DDX10: variants seen among roughly 807,000 people sequenced by gnomAD.
The protein encoded by DDX10 is DEAD-box helicase 10.
DDX10 carries 74 observed loss-of-function variants against 104.3 expected under a neutral mutation model. That is an observed-to-expected ratio of 0.71 (90% CI 0.59 to 0.86). The LOEUF (loss-of-function observed/expected upper bound fraction) is 0.86. Ranked by LOEUF, DDX10 falls within the 40% of genes least tolerant of loss-of-function variation. The pLI, the probability that DDX10 is intolerant of heterozygous loss-of-function variation, is 0.00. For missense variants in DDX10, 952 were observed against 1,040.0 expected (o/e 0.92, Z 1.16); for synonymous variants, 351 against 353.4 (o/e 0.99, Z 0.08).
intron 13 of DDX10, among the ~76,000 whole-genome samples, chr11:108,761,949 A>C (rs922570361): frequency 6.6e-6 from 1 of 152,178 alleles, no homozygotes; most frequent in Non-Finnish European, 1.5e-5. Flanking sequence ...CACTAATATA[A>C]ATATGAAAAA....
intron 13 of DDX10, among the ~76,000 whole-genome samples, chr11:108,724,185 T>A (rs556704627): frequency 1.3e-5 from 2 of 152,186 alleles, no homozygotes; most frequent in Admixed American, 1.3e-4. Flanking sequence ...TCTTACTCTT[T>A]ATACAATGTT....
At chr11:108,680,927 G>T (rs2094234058) in intron 6 of DDX10, among the ~76,000 whole-genome samples, 1 of 152,184 alleles carries the variant, frequency 6.6e-6, no homozygotes. Flanking sequence ...GAATGGAATA[G>T]TAAGATATGT....
At chr11:108,754,833 C>T (rs549809761) in intron 13 of DDX10, among the ~76,000 whole-genome samples, 2 of 152,078 alleles carry the variant, frequency 1.3e-5, no homozygotes, top group African/African-American at 4.8e-5. Context: ...GGATGGGCAA[C>T]CAGGAGCATA....
intron 16 of DDX10, among the ~76,000 whole-genome samples, chr11:108,900,924 G>A (rs980494943): frequency 9.9e-5 from 15 of 152,030 alleles, no homozygotes; most frequent in East Asian, 1.9e-4. Flanking sequence ...CTTCGTTTAT[G>A]CTGTACCATC....
At chr11:108,850,595 G>A (rs934342203) in intron 15 of DDX10, among the ~76,000 whole-genome samples, 10 of 152,110 alleles carry the variant, frequency 6.6e-5, no homozygotes, top group African/African-American at 1.4e-4. Context: ...ATTGAGTAAT[G>A]TTGTAAAATG....
chr11:108,684,188 T>TA, intron 6 of DDX10, among the ~76,000 whole-genome samples: 1 of 136,308 alleles, frequency 7.3e-6, no homozygotes, highest in South Asian at 2.6e-4. Flanking sequence ...TTTTTTTTTT[T>TA]TTAATTTTTT....
chr11:108,892,634 G>A (rs2134641253), intron 16 of DDX10, among the ~76,000 whole-genome samples: 1 of 152,150 alleles, frequency 6.6e-6, no homozygotes, highest in Non-Finnish European at 1.5e-5. Context: ...AAATATGTGA[G>A]TACTATTATT....
intron 17 of DDX10, among the ~76,000 whole-genome samples, chr11:108,927,155 G>A (rs183055137): frequency 5.9e-5 from 9 of 152,244 alleles, no homozygotes; most frequent in Admixed American, 5.2e-4. Context: ...GCATTCCAAA[G>A]GAAAGAAGAA....
intron 13 of DDX10, among the ~76,000 whole-genome samples, chr11:108,804,366 GGT>G (rs372237476): frequency 3.3e-5 from 5 of 151,398 alleles, no homozygotes; most frequent in South Asian, 2.1e-4. Context: ...CAGGTATGAT[GGT>G]GTGTGTGTGT....
chr11:108,732,009 A>G (rs2094312895), intron 13 of DDX10, among the ~76,000 whole-genome samples: 2 of 152,194 alleles, frequency 1.3e-5, no homozygotes, highest in Admixed American at 6.5e-5. Flanking sequence ...TTTGTTACTT[A>G]TAACTTATCC....
chr11:108,805,878 TA>T (rs1862091860), intron 13 of DDX10, among the ~76,000 whole-genome samples: 1 of 152,210 alleles, frequency 6.6e-6, no homozygotes, highest in South Asian at 2.1e-4. Context: ...GATACTCAGA[TA>T]TTTTTTGAAT....
Position 108,677,253 on chromosome 11 carries a change from T to C in DDX10, c.537+10T>C. 6.2e-7 allele frequency: 1 copy of C among 1,609,658 alleles called. No homozygotes were observed. The highest frequency in any genetic ancestry group is 1.7e-5 in the Admixed American group (1 of 59,858). The stretch of plus-strand genomic sequence containing the variant: ...CATCATTGGTGGAAAGGTTTGTCCT[T>C]TTGTCTATGTCCTTCCTTTCCTTCT... On this transcript the variant is annotated intron_variant, in intron 4 of 17. Coordinates refer to ENST00000322536, the MANE Select transcript of DDX10 (RefSeq NM_004398.4).
chr11:108,925,574 C>T (rs1863897834), intron 17 of DDX10, among the ~76,000 whole-genome samples: 2 of 152,182 alleles, frequency 1.3e-5, no homozygotes. Context: ...TTTCACATTG[C>T]ATTCACATAG....
chr11:108,676,651 TGG>T (rs1312441893), intron 3 of DDX10, among the ~76,000 whole-genome samples: 6 of 152,196 alleles, frequency 3.9e-5, no homozygotes, highest in Non-Finnish European at 8.8e-5. Context: ...TTCATCATAT[TGG>T]TCAGGCTGGT....
At chr11:108,835,966 G>GC (rs751298509) in intron 13 of DDX10, among the ~76,000 whole-genome samples, 2 of 152,070 alleles carry the variant, frequency 1.3e-5, no homozygotes, top group Non-Finnish European at 2.9e-5. Context: ...TACGGTCCCC[G>GC]CCCCCAGACC....
At chr11:108,846,820 A>AACCAGACCAGACCAGACCAGACCAG (rs71476032) in intron 15 of DDX10, among the ~76,000 whole-genome samples, 3 of 149,860 alleles carry the variant, frequency 2.0e-5, no homozygotes, top group Non-Finnish European at 3.0e-5. Flanking sequence ...TTAGAGTACA[A>AACCAGACCAGACCAGACCAGACCAG]ACCAGACCAG....
chr11:108,803,110 A>G (rs1353706589), intron 13 of DDX10, among the ~76,000 whole-genome samples: 1 of 152,144 alleles, frequency 6.6e-6, no homozygotes, highest in East Asian at 1.9e-4. Flanking sequence ...TGCTTATTTC[A>G]CAGTTTCTTT....
chr11:108,822,045 A>G (rs1317627260), intron 13 of DDX10, among the ~76,000 whole-genome samples: 1 of 152,254 alleles, frequency 6.6e-6, no homozygotes, highest in African/African-American at 2.4e-5. Flanking sequence ...AAGTTTTAAG[A>G]TGGCATTCAC....
At chr11:108,925,297 C>T (rs1393836710) in intron 17 of DDX10, among the ~76,000 whole-genome samples, 2 of 152,168 alleles carry the variant, frequency 1.3e-5, no homozygotes, top group East Asian at 3.8e-4. Context: ...AGAAGCTACT[C>T]TCTTACTGTT....
Sources: gnomAD v4.1 joint callset for allele counts (sites outside exome capture counted in the v4.1 genomes callset) on GRCh38, gnomAD v4.1.1 for gene constraint, MANE v1.5 for transcripts, NCBI Gene and HGNC (gene_info 2026-07-23, HGNC 2026-07-21) for gene names.